The following UQCC6 variants were observed in gnomAD, a reference collection of about 807,000 sequenced individuals.
UQCC6 encodes ubiquinol-cytochrome c reductase complex assembly factor 6, also known as protein BRAWNIN.
the UQCC6 span, chr12:103,953,605 A>T: frequency 1.4e-6 from 1 of 701,996 alleles, no homozygotes; most frequent in Non-Finnish European, 2.6e-6. Context: ...ATAGGTAAAG[A>T]ACATATAAAT....
the UQCC6 span, among the ~76,000 whole-genome samples, chr12:103,958,238 A>C: frequency 3.3e-5 from 5 of 151,344 alleles, no homozygotes; most frequent in African/African-American, 1.2e-4. Flanking sequence ...AAGTTAGTGC[A>C]AGGCTAAATT....
chr12:103,959,783 A>G, the UQCC6 span, among the ~76,000 whole-genome samples: 1 of 144,992 alleles, frequency 6.9e-6, no homozygotes, highest in African/African-American at 2.6e-5. Context: ...AGCTATACAA[A>G]TTTATTATTT....
chr12:103,956,397 T>C, the UQCC6 span: 1 of 463,864 alleles, frequency 2.2e-6, no homozygotes, highest in Middle Eastern at 5.8e-4. Flanking sequence ...CCAGACTGTG[T>C]AAGACCTCAC....
At chr12:103,956,176 G>C in the UQCC6 span, 3 of 153,626 alleles carry the variant, frequency 2.0e-5, no homozygotes. Flanking sequence ...GGAGAGACTT[G>C]TGCTAAGACT....
the UQCC6 span, among the ~76,000 whole-genome samples, chr12:103,957,832 C>G: frequency 6.6e-6 from 1 of 150,628 alleles, no homozygotes; most frequent in African/African-American, 2.4e-5. Context: ...CACTTGAGGC[C>G]TGAAATTTGA....
At chr12:103,959,546 C>G in the UQCC6 span, among the ~76,000 whole-genome samples, 1 of 150,962 alleles carries the variant, frequency 6.6e-6, no homozygotes, top group South Asian at 2.1e-4. Flanking sequence ...AACCCCATCT[C>G]TACTAAAATA....
the UQCC6 span, chr12:103,951,433 A>T: frequency 1.5e-6 from 1 of 687,622 alleles, no homozygotes. Flanking sequence ...AGTTAGCATT[A>T]GACTAAGTGC....
chr12:103,950,769 T>C, the UQCC6 span: 4 of 152,230 alleles, frequency 2.6e-5, no homozygotes, highest in African/African-American at 9.6e-5. Flanking sequence ...TTTACTTTAA[T>C]AACCATAAAA....
the UQCC6 span, among the ~76,000 whole-genome samples, chr12:103,958,013 TTAA>T: frequency 7.0e-6 from 1 of 142,662 alleles, no homozygotes; most frequent in Non-Finnish European, 1.5e-5. Context: ...ATATTTATTT[TTAA>T]TATATATTTA....
chr12:103,957,770 GGCTTAC>G, the UQCC6 span, among the ~76,000 whole-genome samples: 1 of 151,712 alleles, frequency 6.6e-6, no homozygotes, highest in Non-Finnish European at 1.5e-5. Context: ...CGGGGGCGGT[GGCTTAC>G]GCCTGTAATC....
At chr12:103,964,473 T>G in the UQCC6 span, among the ~76,000 whole-genome samples, 4 of 152,146 alleles carry the variant, frequency 2.6e-5, no homozygotes, top group Non-Finnish European at 4.4e-5. Flanking sequence ...CCTGGTCTCT[T>G]GAGGTTATGA....
chr12:103,958,487 C>T, the UQCC6 span, among the ~76,000 whole-genome samples: 1 of 152,126 alleles, frequency 6.6e-6, no homozygotes, highest in Non-Finnish European at 1.5e-5. Context: ...TAGGTAATCA[C>T]AGATCTGCTT....
chr12:103,964,159 T>C, the UQCC6 span, among the ~76,000 whole-genome samples: 1 of 70,096 alleles, frequency 1.4e-5, no homozygotes, highest in African/African-American at 5.1e-5. Context: ...TTTTTTTTTT[T>C]TTTTTTTTTT....
chr12:103,951,524 T>C, the UQCC6 span: 2 of 1,490,494 alleles, frequency 1.3e-6, no homozygotes, highest in Non-Finnish European at 1.8e-6. Flanking sequence ...TTGGCATAGT[T>C]ATTTAAGTTC....
the UQCC6 span, among the ~76,000 whole-genome samples, chr12:103,965,058 ACTC>A: frequency 6.6e-6 from 1 of 152,172 alleles, no homozygotes; most frequent in Non-Finnish European, 1.5e-5. Flanking sequence ...ATATGAATAA[ACTC>A]AGGAAAGCCA....
the UQCC6 span, chr12:103,950,198 G>C: frequency 2.6e-5 from 4 of 151,912 alleles, no homozygotes; most frequent in East Asian, 7.7e-4. Context: ...ACATTATTAG[G>C]GGATAATATA....
At chr12:103,957,053 C>T in the UQCC6 span, 2 of 373,468 alleles carry the variant, frequency 5.4e-6, no homozygotes, top group Non-Finnish European at 5.0e-6. Flanking sequence ...AGGTCGTTTC[C>T]CCGCGCCCCT....
chr12:103,954,638 G>A, the UQCC6 span: 11 of 343,692 alleles, frequency 3.2e-5, no homozygotes, highest in Admixed American at 9.8e-5. Flanking sequence ...ACATTTCGGC[G>A]TGAAATTTGG....
chr12:103,957,745 G>A, the UQCC6 span, among the ~76,000 whole-genome samples: 1 of 151,802 alleles, frequency 6.6e-6, no homozygotes, highest in Non-Finnish European at 1.5e-5. Flanking sequence ...TTAAGTAAAA[G>A]GTTAGTGCAA....
Sources: allele counts gnomAD v4.1 joint callset (sites outside exome capture counted in the v4.1 genomes callset), GRCh38; gene constraint gnomAD v4.1.1; transcripts MANE v1.5; gene names NCBI Gene and HGNC (gene_info 2026-07-23, HGNC 2026-07-21).